Variants in DLEU7 observed in about 807,000 individuals in gnomAD.
The protein encoded by DLEU7 is leukemia-associated protein 7.
A neutral mutation model predicts 16.0 loss-of-function variants in DLEU7; 17 were observed. The ratio of observed to expected loss-of-function variants is 1.06; its 90% CI spans 0.73 to 1.59. DLEU7 has a LOEUF of 1.59. Ranked by LOEUF, DLEU7 falls within the 40% of genes most tolerant of loss-of-function variation. The pLI is 0.00. For missense variants in DLEU7, 308 were observed against 314.9 expected, an observed-to-expected ratio of 0.98 and a Z score of 0.17; for synonymous variants, 113 against 139.8, an observed-to-expected ratio of 0.81 and a Z score of 1.35.
At chr13:50,826,800 C>T (rs1877100084) in intron 1 of DLEU7, among the ~76,000 whole-genome samples, 1 of 152,138 alleles carries the variant, frequency 6.6e-6, no homozygotes, top group Admixed American at 6.5e-5. Flanking sequence ...TACAGATGGA[C>T]TTCAACGAAT....
chr13:50,792,832 G>T (rs1876000767), intron 1 of DLEU7, among the ~76,000 whole-genome samples: 1 of 148,608 alleles, frequency 6.7e-6, no homozygotes, highest in Non-Finnish European at 1.5e-5. Context: ...TTGTCTTCTG[G>T]TTTTTGGGTT....
intron 1 of DLEU7, among the ~76,000 whole-genome samples, chr13:50,833,471 T>C (rs1419224158): frequency 6.6e-6 from 1 of 152,086 alleles, no homozygotes. Context: ...TACCAAGGAA[T>C]ACAAATTACA....
At chr13:50,801,326 C>T (rs1441317879) in intron 1 of DLEU7, among the ~76,000 whole-genome samples, 2 of 152,254 alleles carry the variant, frequency 1.3e-5, no homozygotes, top group East Asian at 3.9e-4. Flanking sequence ...GCAACCCTTC[C>T]TGAGGTCGCT....
chr13:50,769,410 T>C (rs1875227089), intron 1 of DLEU7, among the ~76,000 whole-genome samples: 1 of 152,228 alleles, frequency 6.6e-6, no homozygotes. Context: ...CTAGGGTTTT[T>C]GTGGTTTTAG....
chr13:50,726,977 A>G lies in DLEU7; in HGVS notation c.460-13737T>C, dbSNP rs1455545453. On this transcript the variant is annotated intron_variant, in intron 1 of 1. Transcript: ENST00000400393. This position sits in a 1 kb window ranked among gnomAD's most constrained non-coding sequence, Gnocchi z 4.0. ...TGAAATTATTTATATCCTCAATTTT[A>G]TATGTTTTTCTGGGCAATGTTTTAA... 1.3e-5 allele frequency among the ~76,000 whole-genome samples: 2 copies of G among 152,164 alleles called. No homozygotes were observed. The highest frequency in any genetic ancestry group is 1.9e-4 in the East Asian group (1 of 5,206).
chr13:50,742,608 C>T (rs865906218), intron 1 of DLEU7, among the ~76,000 whole-genome samples: 3 of 152,224 alleles, frequency 2.0e-5, no homozygotes, highest in Middle Eastern at 3.4e-3. Flanking sequence ...AAACTCTCAA[C>T]CCCAAGGCAC....
Position 50,782,324 on chromosome 13 carries a change from G to T in DLEU7, c.459+60864C>A, listed in dbSNP as rs13378388. ...CGGAAATCAGACATGTGCATATGTT[G>T]TGTCTTTGCCATGGTAATCATTTTC... On this transcript the variant is annotated intron_variant, in intron 1 of 1. Coordinates refer to the DLEU7 transcript ENST00000400393. Among the ~76,000 whole-genome samples, 1,012 of 152,314 alleles carry T rather than the reference G, an allele frequency of 6.6e-3. 10 individuals carry two copies. Among genetic ancestry groups the T allele is most frequent in the African/African-American group, 0.023 (945 of 41,564 alleles).
intron 1 of DLEU7, among the ~76,000 whole-genome samples, chr13:50,764,009 G>C (rs7990423): frequency 0.028 from 4,196 of 152,282 alleles, 158 homozygotes; most frequent in African/African-American, 0.09. Flanking sequence ...AGGCGGAAAG[G>C]CTGTGTTTAT....
At chr13:50,753,048 T>G (rs1411408681) in intron 1 of DLEU7, among the ~76,000 whole-genome samples, 2 of 152,090 alleles carry the variant, frequency 1.3e-5, no homozygotes, top group African/African-American at 4.8e-5. Flanking sequence ...ACAAAGTTTC[T>G]CCAAGTCCCC....
chr13:50,788,704 C>T (rs2137771343), intron 1 of DLEU7, among the ~76,000 whole-genome samples: 1 of 152,216 alleles, frequency 6.6e-6, no homozygotes, highest in South Asian at 2.1e-4. Context: ...AGGGCCCTCG[C>T]CTGGGATGTT....
downstream of DLEU7, among the ~76,000 whole-genome samples, chr13:50,822,343 C>T (rs891229766): frequency 2.0e-5 from 3 of 152,126 alleles, no homozygotes; most frequent in African/African-American, 2.4e-5. Flanking sequence ...AAACAAGCTG[C>T]ACATAATCAC....
downstream of DLEU7, among the ~76,000 whole-genome samples, chr13:50,818,878 A>G (rs1464402693): frequency 6.6e-6 from 1 of 152,168 alleles, no homozygotes; most frequent in Admixed American, 6.5e-5. Flanking sequence ...TCTTCTTATA[A>G]GCACATTTGT....
At chr13:50,818,307 T>C (rs1876794825), downstream of DLEU7, among the ~76,000 whole-genome samples, 1 of 152,152 alleles carries the variant, frequency 6.6e-6, no homozygotes, top group Non-Finnish European at 1.5e-5. Context: ...GGCCCAGTCA[T>C]TGTTAGGATG....
At chr13:50,729,479 G>A (rs778827358) in intron 1 of DLEU7, among the ~76,000 whole-genome samples, 16 of 152,078 alleles carry the variant, frequency 1.1e-4, no homozygotes, top group Non-Finnish European at 2.2e-4. Flanking sequence ...TGTGAACAGT[G>A]CCACAATGAT....
At chr13:50,836,925 C>G (rs1318262574) in intron 1 of DLEU7, among the ~76,000 whole-genome samples, 1 of 152,152 alleles carries the variant, frequency 6.6e-6, no homozygotes, top group African/African-American at 2.4e-5. Flanking sequence ...TTGTGGAAAA[C>G]ATACTATCAT....
At chr13:50,800,298 C>G (rs1876212405) in intron 1 of DLEU7, among the ~76,000 whole-genome samples, 1 of 152,126 alleles carries the variant, frequency 6.6e-6, no homozygotes, top group African/African-American at 2.4e-5. Flanking sequence ...GCCCGGTTGA[C>G]TGAGTGTAAA....
chr13:50,762,910 A>G lies in DLEU7; in HGVS notation c.460-49670T>C, dbSNP rs975427818. 3.3e-5 allele frequency among the ~76,000 whole-genome samples: 5 copies of G among 151,682 alleles called. 1 individual carries two copies. The highest frequency in any genetic ancestry group is 2.0e-4 in the Admixed American group (3 of 15,272). On this transcript the variant is annotated intron_variant, in intron 1 of 1. Coordinates refer to the DLEU7 transcript ENST00000400393. ...GGATGTTGCAGGGAGAGAAAGAATC[A>G]CAGGTGAAAAGATAAAGTTCTTCCC...
chr13:50,816,184 T>G (rs1364138423), intron 1 of DLEU7, among the ~76,000 whole-genome samples: 1 of 152,014 alleles, frequency 6.6e-6, no homozygotes, highest in African/African-American at 2.4e-5. Context: ...TATACATAAA[T>G]AAAGTTAACA....
At chr13:50,728,864 A>G (rs960563885) in intron 1 of DLEU7, among the ~76,000 whole-genome samples, 1 of 152,148 alleles carries the variant, frequency 6.6e-6, no homozygotes, top group Non-Finnish European at 1.5e-5. Context: ...TATGCACATC[A>G]TACTCACTAC....
Sources: allele counts gnomAD v4.1 joint callset (sites outside exome capture counted in the v4.1 genomes callset), GRCh38; gene constraint gnomAD v4.1.1; non-coding constraint Gnocchi (gnomAD v3.1); transcripts MANE v1.5; gene names NCBI Gene and HGNC (gene_info 2026-07-23, HGNC 2026-07-21).